The following GPHN variants were observed in gnomAD, a reference collection of about 807,000 sequenced individuals.
GPHN encodes gephyrin.
GPHN carries 17 observed loss-of-function variants against 95.5 expected under a neutral mutation model. The observed-to-expected ratio is 0.18, with a 90% CI of 0.12 to 0.27. The LOEUF is 0.27. Among genes scored for constraint, GPHN ranks in the 10% least tolerant of loss-of-function variants. GPHN has a pLI of 1.00. For synonymous variants in GPHN, 320 were observed against 322.5 expected, an observed-to-expected ratio of 0.99 and a Z score of 0.08; for missense variants, 660 against 978.1, an observed-to-expected ratio of 0.67 and a Z score of 4.34.
chr14:67,635,474 C>G, the GPHN span, among the ~76,000 whole-genome samples: 1 of 152,222 alleles, frequency 6.6e-6, no homozygotes, highest in Non-Finnish European at 1.5e-5. Context: ...GTTTAGACTT[C>G]TAGTAACATT....
the GPHN span, chr14:67,692,482 G>T: frequency 6.2e-7 from 1 of 1,614,136 alleles, no homozygotes. Context: ...CTTAGTATCA[G>T]ACAGGTCCAG....
chr14:66,834,617 G>A (rs1044017758), intron 4 of GPHN, among the ~76,000 whole-genome samples: 4 of 151,214 alleles, frequency 2.6e-5, no homozygotes, highest in Non-Finnish European at 4.4e-5. Flanking sequence ...ACTTGATCAT[G>A]GTGGATAAGC....
intron 17 of GPHN, among the ~76,000 whole-genome samples, chr14:67,131,405 A>T (rs2079698580): frequency 6.6e-6 from 1 of 152,112 alleles, no homozygotes; most frequent in Non-Finnish European, 1.5e-5. Flanking sequence ...GGATACATTA[A>T]ACAGCCCTGC....
intron 6 of GPHN, 134 bp from the exon 7 acceptor site, chr14:66,922,532 T>C (rs2066276553): frequency 7.4e-6 from 5 of 677,982 alleles, no homozygotes; most frequent in South Asian, 5.6e-5. Context: ...TAAGACAATG[T>C]TTTACATATG....
At chr14:67,250,605 A>G in the GPHN span, among the ~76,000 whole-genome samples, 2 of 152,216 alleles carry the variant, frequency 1.3e-5, no homozygotes. Context: ...CACACTGTTC[A>G]TACAATATGC....
chr14:67,713,265 C>CAAACA, the GPHN span, among the ~76,000 whole-genome samples: 2 of 150,816 alleles, frequency 1.3e-5, no homozygotes, highest in East Asian at 1.9e-4. Flanking sequence ...AACAAACAAA[C>CAAACA]AAAAAACAAA....
chr14:66,843,143 T>G (rs531079042), intron 4 of GPHN, among the ~76,000 whole-genome samples: 1 of 152,216 alleles, frequency 6.6e-6, no homozygotes, highest in East Asian at 1.9e-4. Context: ...GGTTTTTGTC[T>G]CTCCTTTTTG....
chr14:67,579,958 TCTGA>T, the GPHN span: 87 of 1,314,944 alleles, frequency 6.6e-5, no homozygotes, highest in Non-Finnish European at 7.9e-5. Context: ...CTGATGGGTG[TCTGA>T]CTGTTTGGTA....
chr14:67,422,564 T>C, the GPHN span, among the ~76,000 whole-genome samples: 1 of 152,364 alleles, frequency 6.6e-6, no homozygotes, highest in South Asian at 2.1e-4. Context: ...CAGATCTTTC[T>C]ATTCCTTTCC....
intron 2 of GPHN, chr14:66,760,541 G>A (rs150091553): frequency 5.1e-5 from 14 of 276,914 alleles, no homozygotes; most frequent in Non-Finnish European, 6.5e-5. Flanking sequence ...CATGCATATC[G>A]AGAAGTGTTA....
chr14:67,720,237 T>C, the GPHN span, among the ~76,000 whole-genome samples: 3 of 152,238 alleles, frequency 2.0e-5, no homozygotes, highest in Admixed American at 1.3e-4. Context: ...TGGGTTGTTA[T>C]TCCTTTTCTT....
At chr14:67,274,663 T>C in the GPHN span, among the ~76,000 whole-genome samples, 3 of 152,094 alleles carry the variant, frequency 2.0e-5, no homozygotes, top group Admixed American at 6.5e-5. Context: ...GTGAAGAAAG[T>C]CATTGGTAGC....
chr14:67,544,193 C>A, the GPHN span, among the ~76,000 whole-genome samples: 1 of 152,206 alleles, frequency 6.6e-6, no homozygotes, highest in Non-Finnish European at 1.5e-5. Flanking sequence ...GAAAATCATT[C>A]ACTGGCACAG....
chr14:67,576,839 A>T, the GPHN span, among the ~76,000 whole-genome samples: 1,623 of 152,322 alleles, frequency 0.011, 36 homozygotes, highest in African/African-American at 0.037. This position sits in a 1 kb window ranked among gnomAD's most constrained non-coding sequence, Gnocchi z 4.0. Flanking sequence ...GTAAATCAAC[A>T]AGTGAAGCCT....
At chr14:66,792,371 G>A (rs2060001234) in intron 3 of GPHN, among the ~76,000 whole-genome samples, 1 of 151,930 alleles carries the variant, frequency 6.6e-6, no homozygotes, top group South Asian at 2.1e-4. Flanking sequence ...AAATTAGCTA[G>A]GCATGTTAGT....
At chr14:67,083,913 A>T (rs1175643159) in intron 11 of GPHN, among the ~76,000 whole-genome samples, 2 of 152,108 alleles carry the variant, frequency 1.3e-5, no homozygotes, top group Non-Finnish European at 2.9e-5. Context: ...GATTGATATG[A>T]CCTTTTTCTC....
intron 1 of GPHN, among the ~76,000 whole-genome samples, chr14:66,540,088 A>G (rs897066936): frequency 4.6e-5 from 7 of 151,190 alleles, no homozygotes; most frequent in Non-Finnish European, 1.0e-4. Context: ...TCAGCAGCTC[A>G]CAACAACAAT....
At chr14:67,623,549 T>C in the GPHN span, among the ~76,000 whole-genome samples, 1 of 143,748 alleles carries the variant, frequency 7.0e-6, no homozygotes, top group Non-Finnish European at 1.5e-5. Context: ...TTTTTTTTTT[T>C]TTTTTTTTTT....
At chr14:66,598,838 C>CAAAAA (rs375173931) in intron 1 of GPHN, among the ~76,000 whole-genome samples, 1 of 103,738 alleles carries the variant, frequency 9.6e-6, no homozygotes, top group Admixed American at 9.2e-5. Flanking sequence ...GACTCTGTCT[C>CAAAAA]AAAAAAAAAA....
Sources: gnomAD v4.1 joint callset for allele counts (sites outside exome capture counted in the v4.1 genomes callset) on GRCh38, gnomAD v4.1.1 for gene constraint, Gnocchi (gnomAD v3.1) non-coding constraint, MANE v1.5 for transcripts, NCBI Gene and HGNC (gene_info 2026-07-23, HGNC 2026-07-21) for gene names.